NFIL3: variants seen among roughly 807,000 people sequenced by gnomAD.
The protein encoded by NFIL3 is nuclear factor, interleukin 3 regulated, also known as nuclear factor interleukin-3-regulated protein.
In NFIL3, 5 loss-of-function variants were observed where a neutral mutation model predicts 10.0. That is an observed-to-expected ratio of 0.50 (90% CI 0.26 to 1.06). NFIL3 has a LOEUF of 1.06. NFIL3 is among the 50% of genes least tolerant of loss of function. The probability of loss-of-function intolerance (pLI) is 0.13; values close to 1 mark genes in which losing one functional copy is unlikely to be tolerated. For synonymous variants in NFIL3, 202 were observed against 206.5 expected (o/e 0.98, Z 0.19); for missense variants, 436 against 547.6 (o/e 0.80, Z 2.03).
At chr9:91,471,835 C>T in the NFIL3 span, among the ~76,000 whole-genome samples, 2 of 152,144 alleles carry the variant, frequency 1.3e-5, no homozygotes, top group Non-Finnish European at 2.9e-5. Flanking sequence ...TTTGCAGTGG[C>T]TGGTACCAGT....
At chr9:91,419,778 G>A (rs188381359) in intron 1 of NFIL3, among the ~76,000 whole-genome samples, 2 of 152,332 alleles carry the variant, frequency 1.3e-5, no homozygotes, top group African/African-American at 2.4e-5. Flanking sequence ...ATGCCTATCA[G>A]TTCCAGGCTG....
the NFIL3 span, among the ~76,000 whole-genome samples, chr9:91,477,432 C>T: frequency 6.6e-6 from 1 of 152,166 alleles, no homozygotes; most frequent in East Asian, 1.9e-4. Context: ...GTCTTAAGGT[C>T]AACTGATTGG....
the NFIL3 span, among the ~76,000 whole-genome samples, chr9:91,455,928 A>C: frequency 5.3e-5 from 8 of 152,012 alleles, no homozygotes; most frequent in Admixed American, 5.2e-4. Flanking sequence ...AACTCTCCTC[A>C]TGCCTCCCCC....
At chr9:91,435,607 C>T in the NFIL3 span, among the ~76,000 whole-genome samples, 1 of 152,146 alleles carries the variant, frequency 6.6e-6, no homozygotes. Context: ...AGACATCTGC[C>T]TGCGCCTGAA....
the NFIL3 span, among the ~76,000 whole-genome samples, chr9:91,459,536 A>T: frequency 6.6e-6 from 1 of 152,110 alleles, no homozygotes; most frequent in African/African-American, 2.4e-5. Flanking sequence ...TAAATAAAAA[A>T]TTAGCTGAGC....
At chr9:91,473,404 T>C in the NFIL3 span, among the ~76,000 whole-genome samples, 1 of 152,196 alleles carries the variant, frequency 6.6e-6, no homozygotes, top group African/African-American at 2.4e-5. Flanking sequence ...TACTCAAGCC[T>C]CAGCAATGGC....
the NFIL3 span, among the ~76,000 whole-genome samples, chr9:91,476,286 C>T: frequency 2.0e-5 from 3 of 152,140 alleles, no homozygotes; most frequent in Admixed American, 1.3e-4. Context: ...AAAAGAATCA[C>T]GACTGACCGG....
At chr9:91,480,014 C>T in the NFIL3 span, among the ~76,000 whole-genome samples, 6 of 152,058 alleles carry the variant, frequency 3.9e-5, no homozygotes, top group East Asian at 1.9e-4. Context: ...AGAGATGAGC[C>T]GAGTACCTCA....
the NFIL3 span, among the ~76,000 whole-genome samples, chr9:91,429,995 C>T: frequency 6.6e-6 from 1 of 152,078 alleles, no homozygotes; most frequent in South Asian, 2.1e-4. Context: ...GTATCAATCT[C>T]AACTTGTTCT....
chr9:91,437,476 C>T, the NFIL3 span, among the ~76,000 whole-genome samples: 2 of 152,198 alleles, frequency 1.3e-5, no homozygotes, highest in African/African-American at 4.8e-5. Flanking sequence ...ACATATTCGT[C>T]ATCTCACACA....
At chr9:91,440,679 C>T in the NFIL3 span, among the ~76,000 whole-genome samples, 1 of 152,030 alleles carries the variant, frequency 6.6e-6, no homozygotes, top group African/African-American at 2.4e-5. Context: ...GCTGCTGCAT[C>T]CCATAGGTTT....
At chr9:91,452,273 A>C in the NFIL3 span, among the ~76,000 whole-genome samples, 1 of 152,318 alleles carries the variant, frequency 6.6e-6, no homozygotes, top group Non-Finnish European at 1.5e-5. Context: ...AGTCTCCACA[A>C]CACCTGTCAT....
the NFIL3 span, among the ~76,000 whole-genome samples, chr9:91,481,706 A>G: frequency 6.6e-6 from 1 of 152,312 alleles, no homozygotes; most frequent in East Asian, 1.9e-4. Flanking sequence ...TTAAAATATT[A>G]TGGCAAAAAC....
the NFIL3 span, among the ~76,000 whole-genome samples, chr9:91,462,423 G>C: frequency 6.6e-6 from 1 of 152,020 alleles, no homozygotes; most frequent in Non-Finnish European, 1.5e-5. Flanking sequence ...GTTAGATTTT[G>C]TCAAATGCTT....
chr9:91,450,469 A>G, the NFIL3 span, among the ~76,000 whole-genome samples: 7 of 152,220 alleles, frequency 4.6e-5, no homozygotes, highest in African/African-American at 1.4e-4. Flanking sequence ...CCCATTGGTT[A>G]TATAAGAATG....
At chr9:91,435,577 TG>T in the NFIL3 span, among the ~76,000 whole-genome samples, 3 of 152,272 alleles carry the variant, frequency 2.0e-5, no homozygotes, top group African/African-American at 7.2e-5. Context: ...TGGCTCCGTT[TG>T]GCACTGAATC....
At position 91,409,830 on chromosome 9, in the gene NFIL3, G is replaced by T; in HGVS notation, c.905C>A (p.Pro302Gln). The change falls in exon 2 of 2, where the codon CCA becomes CAA. Residue 302 changes from proline to glutamine, a missense_variant. Physicochemically the swap from Pro to Gln is moderately conservative, Grantham distance 76. Coordinates refer to ENST00000297689, the MANE Select transcript of NFIL3 (RefSeq NM_005384.3). The stretch of plus-strand genomic sequence containing the variant: ...TGCATGCACATGCTTGAGTTCAACT[G>T]GAGAATGGATGGGGCCCTTGGGGAC... ...QQVPKGPIHS[P>Q]VELKHVHATV... is the part of the protein sequence containing the mutation. 6.2e-7 allele frequency: 1 copy of T among 1,614,116 alleles called. No individual in the cohort carries two copies. Among genetic ancestry groups the T allele is most frequent in the South Asian group, 1.1e-5 (1 of 91,074 alleles).
the NFIL3 span, among the ~76,000 whole-genome samples, chr9:91,462,042 A>G: frequency 6.6e-6 from 1 of 152,168 alleles, no homozygotes; most frequent in Non-Finnish European, 1.5e-5. Context: ...AAACCTACTA[A>G]GGTATTTGTC....
At chr9:91,426,385 T>G (rs1238446355), upstream of NFIL3, 3 of 152,188 alleles carry the variant, frequency 2.0e-5, no homozygotes, top group African/African-American at 4.8e-5. Context: ...TCCTAGAACA[T>G]TCACAGAGTA....
Sources: allele counts gnomAD v4.1 joint callset (sites outside exome capture counted in the v4.1 genomes callset), GRCh38; gene constraint gnomAD v4.1.1; transcripts MANE v1.5; gene names NCBI Gene and HGNC (gene_info 2026-07-23, HGNC 2026-07-21).